The following PCDH9 variants were observed in gnomAD, a reference collection of about 807,000 sequenced individuals.
The protein encoded by PCDH9 is protocadherin-9.
PCDH9 carries 24 observed loss-of-function variants against 70.6 expected under a neutral mutation model. That is an observed-to-expected ratio of 0.34 (90% CI 0.25 to 0.48). The LOEUF is 0.48. PCDH9 is among the 20% of genes least tolerant of loss of function. The probability of loss-of-function intolerance (pLI) is 0.99; values close to 1 mark genes in which losing one functional copy is unlikely to be tolerated. For synonymous variants in PCDH9, 562 were observed against 558.5 expected, an observed-to-expected ratio of 1.01 and a Z score of -0.09; for missense variants, 1,281 against 1,503.6, an observed-to-expected ratio of 0.85 and a Z score of 2.45.
chr13:66,333,246 G>A (rs935404807), intron 4 of PCDH9, among the ~76,000 whole-genome samples: 1 of 152,174 alleles, frequency 6.6e-6, no homozygotes, highest in African/African-American at 2.4e-5. Context: ...TCTCAGAATA[G>A]TTGTCAAAGG....
intron 4 of PCDH9, among the ~76,000 whole-genome samples, chr13:66,521,620 G>A (rs193273662): frequency 3.9e-5 from 6 of 152,198 alleles, no homozygotes; most frequent in Admixed American, 1.3e-4. Context: ...GATAACACCC[G>A]TGGTACGTGT....
intron 4 of PCDH9, among the ~76,000 whole-genome samples, chr13:66,495,080 AAAT>A (rs1959092429): frequency 6.6e-6 from 1 of 152,146 alleles, no homozygotes; most frequent in Non-Finnish European, 1.5e-5. Flanking sequence ...TAGATTTTTA[AAAT>A]AATTATTGAA....
chr13:66,831,706 A>T (rs1182988801), intron 3 of PCDH9, among the ~76,000 whole-genome samples: 1 of 151,650 alleles, frequency 6.6e-6, no homozygotes, highest in Non-Finnish European at 1.5e-5. Flanking sequence ...ATGTGTCCAA[A>T]TCAATTGTTG....
At chr13:66,396,780 C>T (rs1220288900) in intron 4 of PCDH9, among the ~76,000 whole-genome samples, 1 of 151,940 alleles carries the variant, frequency 6.6e-6, no homozygotes, top group Non-Finnish European at 1.5e-5. Flanking sequence ...ATGAAAATGC[C>T]CATCATGAGG....
intron 4 of PCDH9, among the ~76,000 whole-genome samples, chr13:66,362,072 T>C (rs1368508849): frequency 6.6e-6 from 1 of 152,186 alleles, no homozygotes; most frequent in African/African-American, 2.4e-5. Context: ...TGACATCATT[T>C]TGGAACAAAA....
chr13:66,655,983 A>T (rs1593846474), intron 3 of PCDH9, among the ~76,000 whole-genome samples: 1 of 152,230 alleles, frequency 6.6e-6, no homozygotes, highest in East Asian at 1.9e-4. Context: ...ATTGCACTCA[A>T]GGTCTGCTAA....
intron 3 of PCDH9, among the ~76,000 whole-genome samples, chr13:66,660,901 T>C (rs1393570129): frequency 6.6e-6 from 1 of 152,146 alleles, no homozygotes; most frequent in Non-Finnish European, 1.5e-5. Context: ...TAGTGATGTT[T>C]CTGGAAATCC....
intron 2 of PCDH9, among the ~76,000 whole-genome samples, chr13:67,105,189 G>A (rs565601159): frequency 4.7e-4 from 72 of 152,070 alleles, no homozygotes; most frequent in African/African-American, 1.6e-3. Flanking sequence ...ATGTAAAATT[G>A]CCTACACTTT....
At chr13:66,465,969 C>T (rs2138466946) in intron 4 of PCDH9, among the ~76,000 whole-genome samples, 1 of 151,838 alleles carries the variant, frequency 6.6e-6, no homozygotes, top group Admixed American at 6.6e-5. Context: ...TTATTGTTTC[C>T]AACATGTTTT....
intron 4 of PCDH9, among the ~76,000 whole-genome samples, chr13:66,363,084 C>G (rs550485436): frequency 6.6e-6 from 1 of 152,228 alleles, no homozygotes; most frequent in African/African-American, 2.4e-5. Flanking sequence ...GAGGCTGAGG[C>G]TTTAGAATCG....
chr13:66,358,095 T>C (rs919705408), intron 4 of PCDH9, among the ~76,000 whole-genome samples: 1 of 152,024 alleles, frequency 6.6e-6, no homozygotes, highest in African/African-American at 2.4e-5. Context: ...GCAATATAAT[T>C]AAATTGTCTG....
intron 2 of PCDH9, among the ~76,000 whole-genome samples, chr13:67,118,097 T>G (rs1400726719): frequency 6.6e-6 from 1 of 152,156 alleles, no homozygotes; most frequent in African/African-American, 2.4e-5. Context: ...CAATGTTAAG[T>G]CATTTCAAGG....
intron 2 of PCDH9, among the ~76,000 whole-genome samples, chr13:66,930,611 C>T (rs977148559): frequency 3.9e-5 from 6 of 152,024 alleles, no homozygotes; most frequent in African/African-American, 7.2e-5. Context: ...TGTCCTGTTG[C>T]CATTCATCTA....
chr13:66,460,639 T>C (rs183973442), intron 4 of PCDH9, among the ~76,000 whole-genome samples: 1 of 152,028 alleles, frequency 6.6e-6, no homozygotes, highest in Non-Finnish European at 1.5e-5. Flanking sequence ...TAAAGCGTCT[T>C]CCTGTTTTAA....
intron 2 of PCDH9, chr13:67,206,061 A>G (rs1268329500): frequency 6.6e-6 from 1 of 152,082 alleles, no homozygotes; most frequent in Non-Finnish European, 1.5e-5. Flanking sequence ...GGCAGCTCTC[A>G]AACTCCTGAA....
At chr13:67,054,967 C>A (rs537414220) in intron 2 of PCDH9, among the ~76,000 whole-genome samples, 2 of 152,156 alleles carry the variant, frequency 1.3e-5, no homozygotes, top group African/African-American at 4.8e-5. Context: ...TTGCTTAGAA[C>A]GTCAGAAAAC....
chr13:66,311,427 A>G (rs1955560913), intron 4 of PCDH9, among the ~76,000 whole-genome samples: 1 of 149,954 alleles, frequency 6.7e-6, no homozygotes, highest in Non-Finnish European at 1.5e-5. Context: ...TACCAGCATA[A>G]CTTTTTTTGT....
chr13:66,763,429 G>C (rs2079659524), intron 3 of PCDH9, among the ~76,000 whole-genome samples: 2 of 151,920 alleles, frequency 1.3e-5, no homozygotes, highest in Admixed American at 1.3e-4. Context: ...TTAAGATAAA[G>C]ATGATTCCAC....
At chr13:67,187,538 G>T (rs2088790343) in intron 2 of PCDH9, among the ~76,000 whole-genome samples, 1 of 151,980 alleles carries the variant, frequency 6.6e-6, no homozygotes, top group South Asian at 2.1e-4. Flanking sequence ...ATCAACTAAT[G>T]CTCTTATTAA....
Sources: allele counts gnomAD v4.1 joint callset (sites outside exome capture counted in the v4.1 genomes callset), GRCh38; gene constraint gnomAD v4.1.1; transcripts MANE v1.5; gene names NCBI Gene and HGNC (gene_info 2026-07-23, HGNC 2026-07-21).